The following GRIA3 variants were observed in gnomAD, a reference collection of about 807,000 sequenced individuals.
GRIA3 encodes the protein glutamate receptor 3.
Under a neutral mutation model 63.0 loss-of-function variants are expected in GRIA3, and 3 were observed. That is an observed-to-expected ratio of 0.05 (90% CI 0.02 to 0.12). The LOEUF (loss-of-function observed/expected upper bound fraction) is 0.12. Ranked by LOEUF, GRIA3 falls within the 10% of genes least tolerant of loss-of-function variation. The probability of loss-of-function intolerance (pLI) is 1.00; values close to 1 mark genes in which losing one functional copy is unlikely to be tolerated. For synonymous variants in GRIA3, 274 were observed against 257.9 expected (o/e 1.06, Z -0.60); for missense variants, 347 against 700.9 (o/e 0.50, Z 5.70).
chrX:123,398,594 A>G lies in GRIA3; in HGVS notation c.913-42A>G, dbSNP rs774973930. On this transcript the variant is annotated intron_variant, in intron 6 of 15. Transcript: ENST00000620443. ...AAGAAACAAGGCAAATTTTGAGGGT[A>G]TCATTTATCATGATATCTTGTTTTT... 1.4e-5 allele frequency: 16 copies of G among 1,111,843 alleles called. No homozygotes were observed. The South Asian group carries it at 2.4e-4, about 17-fold the overall frequency. 91.6% of individuals were successfully genotyped at this position (1,111,843 alleles called of 1,213,427 possible). A position where few individuals can be genotyped will look rare whatever the true frequency, so the allele number is the denominator to read the frequency against.
chrX:123,447,495 G>T (rs765035131), intron 12 of GRIA3, among the ~76,000 whole-genome samples: 1 of 111,468 alleles, frequency 9.0e-6, no homozygotes, highest in East Asian at 2.8e-4. Flanking sequence ...ACTTTGGAGG[G>T]TTTTCAGACT....
At chrX:123,187,368 T>G (rs1444569970) in intron 2 of GRIA3, among the ~76,000 whole-genome samples, 2 of 112,316 alleles carry the variant, frequency 1.8e-5, no homozygotes, top group Non-Finnish European at 3.8e-5. Context: ...TCTGAGATAC[T>G]CCATATTTGA....
intron 12 of GRIA3, among the ~76,000 whole-genome samples, chrX:123,463,286 G>A (rs1303730505): frequency 9.1e-6 from 1 of 109,370 alleles, no homozygotes; most frequent in Non-Finnish European, 1.9e-5. Flanking sequence ...AGGTGCTCAC[G>A]CCTGTAATCC....
chrX:123,340,099 A>G (rs896180627), intron 4 of GRIA3, among the ~76,000 whole-genome samples: 1 of 111,965 alleles, frequency 8.9e-6, no homozygotes, highest in African/African-American at 3.2e-5. Flanking sequence ...CACACCACCC[A>G]AGACTATGCC....
At chrX:123,202,880 T>C in intron 2 of GRIA3, 2 of 874,335 alleles carry the variant, frequency 2.3e-6, no homozygotes, top group Middle Eastern at 3.0e-4. Context: ...CTCCCCACTC[T>C]GGAAGCTTGA....
intron 5 of GRIA3, among the ~76,000 whole-genome samples, chrX:123,366,083 G>T (rs1046120310): frequency 9.0e-6 from 1 of 111,551 alleles, no homozygotes; most frequent in Non-Finnish European, 1.9e-5. Flanking sequence ...TGGGAGTGTA[G>T]CAATGAGGAC....
chrX:123,424,061 T>G (rs2147398152), intron 11 of GRIA3, among the ~76,000 whole-genome samples: 1 of 112,194 alleles, frequency 8.9e-6, no homozygotes, highest in East Asian at 2.8e-4. Context: ...TTATAAACAC[T>G]AAATGTGCAG....
At chrX:123,418,742 A>C (rs2045549153) in intron 11 of GRIA3, among the ~76,000 whole-genome samples, 1 of 112,589 alleles carries the variant, frequency 8.9e-6, no homozygotes, top group Non-Finnish European at 1.9e-5. Context: ...TCAAAAAGAT[A>C]GGCAATACCA....
At chrX:123,352,591 A>C (rs2045103755) in intron 4 of GRIA3, among the ~76,000 whole-genome samples, 1 of 111,716 alleles carries the variant, frequency 9.0e-6, no homozygotes, top group South Asian at 3.8e-4. Flanking sequence ...TCTACACACA[A>C]AAAAACACTA....
chrX:123,415,558 G>A (rs2045532307), intron 10 of GRIA3, among the ~76,000 whole-genome samples: 1 of 111,638 alleles, frequency 9.0e-6, no homozygotes, highest in Non-Finnish European at 1.9e-5. Flanking sequence ...GAGAGGATAG[G>A]ACTGATAAGG....
intron 4 of GRIA3, among the ~76,000 whole-genome samples, chrX:123,345,331 AC>A (rs1189469809): frequency 3.2e-4 from 35 of 108,542 alleles, no homozygotes; most frequent in Non-Finnish European, 6.3e-4. Flanking sequence ...CTCACTGCCC[AC>A]CCCCAACCCC....
At chrX:123,460,502 C>T (rs1011753921) in intron 12 of GRIA3, among the ~76,000 whole-genome samples, 2 of 111,499 alleles carry the variant, frequency 1.8e-5, no homozygotes, top group African/African-American at 6.5e-5. Context: ...ATAGTGTGTT[C>T]GTAGATTGAA....
chrX:123,479,269 C>T (rs973076586), intron 13 of GRIA3, among the ~76,000 whole-genome samples: 1 of 112,457 alleles, frequency 8.9e-6, no homozygotes, highest in African/African-American at 3.2e-5. Flanking sequence ...CTGGTTTGCC[C>T]TCTGGTGATC....
chrX:123,200,493 C>T (rs1388804159), intron 2 of GRIA3, among the ~76,000 whole-genome samples: 2 of 108,440 alleles, frequency 1.8e-5, no homozygotes, highest in African/African-American at 6.7e-5. Context: ...TTTTATGACA[C>T]ATATGTACAT....
At position 123,271,574 on chromosome X, in the gene GRIA3, A is replaced by G. The variant is rs181139640; in HGVS notation, c.508+18032A>G. On this transcript the variant is annotated intron_variant, in intron 3 of 15. Coordinates refer to ENST00000620443, the MANE Select transcript of GRIA3 (RefSeq NM_007325.5). Reference sequence around the variant, plus strand: ...AAAGATTATTATATCCTTACTGACAATGAAAGGCTCAGCTTCAGAGAAAGT... The same window carrying G: ...AAAGATTATTATATCCTTACTGACAGTGAAAGGCTCAGCTTCAGAGAAAGT... Among the ~76,000 whole-genome samples the G allele has an allele frequency of 1.1e-3, 125 of 111,981 alleles. 1 individual carries two copies. The highest frequency in any genetic ancestry group is 3.9e-3 in the African/African-American group (121 of 30,863).
chrX:123,427,927 G>C lies in GRIA3; in HGVS notation c.1878-14G>C, dbSNP rs765921820. On this transcript the variant is annotated splice_polypyrimidine_tract_variant and intron_variant, in intron 11 of 15. Transcript: ENST00000620443. Reference sequence around the variant, plus strand: ...CCCCTCTGGGTCTGGATTTGTTTTTGTTTTGTTTTATAGATCACTCTCCGG... The same window carrying C: ...CCCCTCTGGGTCTGGATTTGTTTTTCTTTTGTTTTATAGATCACTCTCCGG... The C allele has an allele frequency of 8.5e-7, 1 of 1,169,843 alleles. No homozygotes were observed. Among genetic ancestry groups the C allele is most frequent in the Non-Finnish European group, 1.2e-6 (1 of 857,796 alleles).
intron 12 of GRIA3, among the ~76,000 whole-genome samples, chrX:123,460,959 T>C (rs993857502): frequency 5.4e-5 from 6 of 111,835 alleles, no homozygotes; most frequent in Admixed American, 4.8e-4. Flanking sequence ...GGGGAAGTTA[T>C]TGATGTGGGC....
chrX:123,284,931 C>A (rs1456299308), intron 3 of GRIA3, among the ~76,000 whole-genome samples: 3 of 110,952 alleles, frequency 2.7e-5, no homozygotes, highest in Non-Finnish European at 5.7e-5. Flanking sequence ...AGAAGAGCAA[C>A]CCCAAGACAC....
At chrX:123,282,023 A>C (rs560352335) in intron 3 of GRIA3, among the ~76,000 whole-genome samples, 7 of 111,577 alleles carry the variant, frequency 6.3e-5, no homozygotes, top group East Asian at 2.8e-4. Flanking sequence ...AATCATCTGG[A>C]GGACTTGTTA....
Sources: gnomAD v4.1 joint callset for allele counts (sites outside exome capture counted in the v4.1 genomes callset) on GRCh38, gnomAD v4.1.1 for gene constraint, MANE v1.5 for transcripts, NCBI Gene and HGNC (gene_info 2026-07-23, HGNC 2026-07-21) for gene names.